Variants in STYXL1 observed in about 807,000 individuals in gnomAD.
STYXL1 encodes the protein serine/threonine/tyrosine-interacting-like protein 1.
In STYXL1, 32 loss-of-function variants were observed where a neutral mutation model predicts 36.4. The ratio of observed to expected loss-of-function variants is 0.88; its 90% CI spans 0.66 to 1.18. The LOEUF is 1.18. Among genes scored for constraint, STYXL1 ranks in the 50% most tolerant of loss-of-function variants. The pLI, the probability that STYXL1 is intolerant of heterozygous loss-of-function variation, is 0.00. For synonymous variants in STYXL1, 133 were observed against 144.1 expected, an observed-to-expected ratio of 0.92 and a Z score of 0.55; for missense variants, 354 against 394.1, an observed-to-expected ratio of 0.90 and a Z score of 0.86.
intron 1 of STYXL1, among the ~76,000 whole-genome samples, chr7:76,041,852 C>G: frequency 6.6e-6 from 1 of 152,132 alleles, no homozygotes; most frequent in East Asian, 1.9e-4. Context: ...GCTGTCTTGG[C>G]AGATGAATGG....
intron 4 of STYXL1, among the ~76,000 whole-genome samples, chr7:76,016,432 C>A (rs782510820): frequency 4.3e-4 from 64 of 147,168 alleles, no homozygotes; most frequent in Non-Finnish European, 6.6e-4. Flanking sequence ...CACATATATA[C>A]ATATATACGC....
intron 5 of STYXL1, among the ~76,000 whole-genome samples, chr7:76,011,873 C>G (rs1792595977): frequency 6.6e-6 from 1 of 152,358 alleles, no homozygotes; most frequent in South Asian, 2.1e-4. Flanking sequence ...CACTGCCTCC[C>G]CTACAGACAG....
chr7:76,013,793 G>GA lies in STYXL1; in HGVS notation c.401dup (p.Ser135LeufsTer28), dbSNP rs782503460. 17 of 1,613,876 alleles carry GA rather than the reference G, an allele frequency of 1.1e-5. No individual in the cohort carries two copies. In the African/African-American group the frequency reaches 2.1e-4, roughly 20 times the overall value. The stretch of plus-strand genomic sequence containing the variant: ...TCCGGAGAAAGTGGTACGTGCCTGA[G>GA]AAGCGCTCATAGCCCCCTTTCAGGA... On this transcript the variant is annotated frameshift_variant, in exon 5 of 9. Coordinates refer to ENST00000359697, the MANE Select transcript of STYXL1 (RefSeq NM_001317785.2). LOFTEE classifies it high-confidence loss of function.
chr7:76,030,361 C>A, intron 2 of STYXL1, 60 bp downstream of exon 2: 1 of 1,358,948 alleles, frequency 7.4e-7, no homozygotes. Context: ...GTTAACTCAT[C>A]AAAAATAATG....
intron 5 of STYXL1, among the ~76,000 whole-genome samples, chr7:76,010,548 C>T (rs1356558003): frequency 1.3e-5 from 2 of 152,128 alleles, no homozygotes; most frequent in South Asian, 4.1e-4. Flanking sequence ...AGATCCTCAG[C>T]CCCAGAAGGA....
chr7:76,022,591 G>C (rs1195702730), intron 3 of STYXL1, among the ~76,000 whole-genome samples: 1 of 152,190 alleles, frequency 6.6e-6, no homozygotes, highest in African/African-American at 2.4e-5. Flanking sequence ...CTTGAGCCCA[G>C]GAGGCGGAGG....
chr7:76,039,127 G>A (rs1470367082), intron 1 of STYXL1, among the ~76,000 whole-genome samples: 2 of 148,702 alleles, frequency 1.3e-5, no homozygotes, highest in Non-Finnish European at 2.9e-5. Context: ...TAGTAGAAAC[G>A]GGGTTTCACC....
chr7:76,023,532 T>G (rs989769032), intron 3 of STYXL1, among the ~76,000 whole-genome samples: 1 of 151,712 alleles, frequency 6.6e-6, no homozygotes. Context: ...CTTGGCTAAT[T>G]TATATATTTA....
At chr7:76,027,851 C>T (rs1313852206) in intron 3 of STYXL1, among the ~76,000 whole-genome samples, 6 of 151,786 alleles carry the variant, frequency 4.0e-5, no homozygotes, top group Admixed American at 1.3e-4. Context: ...CATGTGTAAT[C>T]CCAGCGCTTT....
intron 4 of STYXL1, among the ~76,000 whole-genome samples, chr7:76,020,836 G>C (rs1793968653): frequency 6.6e-6 from 1 of 152,102 alleles, no homozygotes; most frequent in African/African-American, 2.4e-5. Flanking sequence ...ATGTTAGTTA[G>C]CGTCCTTGTA....
In STYXL1 at chr7:76,000,879, G is replaced by T; in HGVS notation, c.810+11C>A. ...TGGCCGTGGTGCGAGCCTGGCCCGG[G>T]GAACGCATACCTGCAAGGTCTGCTC... is the stretch of plus-strand genomic sequence containing the variant. On this transcript the variant is annotated intron_variant, in intron 8 of 8. Transcript: ENST00000359697. The T allele has an allele frequency of 6.2e-7, 1 of 1,612,418 alleles. No homozygotes were observed.
At chr7:76,001,118 C>A in intron 7 of STYXL1, 116 bp from the exon 8 acceptor site, 6 of 751,154 alleles carry the variant, frequency 8.0e-6, no homozygotes, top group Non-Finnish European at 1.4e-5. Context: ...CAAAACCAGC[C>A]CACGTGACCT....
At chr7:76,022,446 G>A (rs956289168) in intron 3 of STYXL1, among the ~76,000 whole-genome samples, 2 of 151,886 alleles carry the variant, frequency 1.3e-5, no homozygotes, top group African/African-American at 4.8e-5. Flanking sequence ...GATTGCTTGA[G>A]GCCAGGAGTT....
chr7:76,041,233 T>G (rs1404723846), intron 1 of STYXL1, among the ~76,000 whole-genome samples: 4 of 151,896 alleles, frequency 2.6e-5, no homozygotes, highest in Admixed American at 1.3e-4. Context: ...GATCTATGAC[T>G]TTAGAGTTGA....
intron 5 of STYXL1, among the ~76,000 whole-genome samples, chr7:76,011,347 C>T (rs918602175): frequency 2.6e-5 from 4 of 152,122 alleles, no homozygotes; most frequent in Non-Finnish European, 4.4e-5. Flanking sequence ...TCATTTCACC[C>T]GTAAATATTT....
rs115381529 is a variant in STYXL1 at position 76,016,048 on chromosome 7, G to A, written c.308-2161C>T. Among the ~76,000 whole-genome samples, 654 of 152,068 alleles carry A rather than the reference G, an allele frequency of 4.3e-3. 4 individuals carry two copies. The highest frequency in any genetic ancestry group is 0.015 in the African/African-American group (623 of 41,462). On this transcript the variant is annotated intron_variant, in intron 4 of 8. Transcript: ENST00000359697. ...CTATTGTGGGACCTTGTGATCACAC[G>A]AGTTAATACTCCTTAACAAACTCCC...
chr7:76,028,906 C>T lies in STYXL1; in HGVS notation c.104-203G>A, dbSNP rs574917248. 2.6e-5 allele frequency among the ~76,000 whole-genome samples: 4 copies of T among 152,162 alleles called. No individual in the cohort carries two copies. In the South Asian group the frequency reaches 6.2e-4, roughly 24 times the overall value. ...TTGGAAGGCCGAGGCAGGTGGATCA[C>T]TTGAGCCAGGAGTTCAAGACCAGCC... On this transcript the variant is annotated intron_variant, in intron 2 of 8. Coordinates refer to ENST00000359697, the MANE Select transcript of STYXL1 (RefSeq NM_001317785.2).
At chr7:76,005,446 C>A in intron 5 of STYXL1, 42 bp from the exon 6 acceptor site, 2 of 1,550,758 alleles carry the variant, frequency 1.3e-6, no homozygotes, top group South Asian at 1.2e-5. Flanking sequence ...GCATATTCCT[C>A]AGGGAAGAGG....
intron 1 of STYXL1, chr7:76,045,154 C>G (rs1389126468): frequency 6.6e-6 from 1 of 152,216 alleles, no homozygotes; most frequent in Non-Finnish European, 1.5e-5. Flanking sequence ...ACACCTCTTT[C>G]TTTCACTCCT....
Sources: gnomAD v4.1 joint callset for allele counts (sites outside exome capture counted in the v4.1 genomes callset) on GRCh38, gnomAD v4.1.1 for gene constraint, MANE v1.5 for transcripts, NCBI Gene and HGNC (gene_info 2026-07-23, HGNC 2026-07-21) for gene names.